Variants in CERT1 observed in about 807,000 individuals in gnomAD.
CERT1 encodes ceramide transfer protein.
CERT1 carries 31 observed loss-of-function variants against 87.9 expected under a neutral mutation model. The ratio of observed to expected loss-of-function variants is 0.35; its 90% CI spans 0.27 to 0.48. The LOEUF is 0.48. CERT1 is among the 20% of genes least tolerant of loss of function. The pLI, the probability that CERT1 is intolerant of heterozygous loss-of-function variation, is 0.99. For synonymous variants in CERT1, 289 were observed against 250.9 expected (o/e 1.15, Z -1.44); for missense variants, 487 against 758.0 (o/e 0.64, Z 4.20).
At chr5:75,474,062 T>A (rs1208837561) in intron 2 of CERT1, among the ~76,000 whole-genome samples, 1 of 152,208 alleles carries the variant, frequency 6.6e-6, no homozygotes, top group African/African-American at 2.4e-5. Flanking sequence ...TGGGCCTGCC[T>A]GGCCTAAACC....
intron 2 of CERT1, among the ~76,000 whole-genome samples, chr5:75,482,211 G>A (rs937284028): frequency 6.6e-6 from 1 of 152,084 alleles, no homozygotes; most frequent in Non-Finnish European, 1.5e-5. Flanking sequence ...GGCCTTGCAG[G>A]ATTCACCACA....
chr5:75,382,083 G>T lies in CERT1; in HGVS notation c.1489-6C>A, dbSNP rs534117773. The T allele has an allele frequency of 1.9e-6, 3 of 1,609,122 alleles. No individual in the cohort carries two copies. The highest frequency in any genetic ancestry group is 2.5e-6 in the Non-Finnish European group (3 of 1,177,838). On this transcript the variant is annotated splice_region_variant and splice_polypyrimidine_tract_variant and intron_variant, in intron 14 of 16. Transcript: ENST00000643780. ...TGAGAAGCAGGCCACACCCTCTGTGGAGAAGTAAAAATCTTTTGAAAAACA... is the reference window on the plus strand; with the variant it reads ...TGAGAAGCAGGCCACACCCTCTGTGTAGAAGTAAAAATCTTTTGAAAAACA...
intron 6 of CERT1, 99 bp downstream of exon 6, chr5:75,419,242 G>T (rs1763269238): frequency 6.7e-6 from 5 of 742,694 alleles, no homozygotes; most frequent in Non-Finnish European, 1.1e-5. Context: ...CAGTTCTACT[G>T]CTTTTTAAAA....
At chr5:75,399,538 A>C (rs1340100441) in intron 10 of CERT1, 151 bp from the exon 11 acceptor site, 2 of 630,178 alleles carry the variant, frequency 3.2e-6, no homozygotes, top group South Asian at 3.8e-5. Flanking sequence ...TCATGCACCT[A>C]TTATGTATTA....
intron 3 of CERT1, among the ~76,000 whole-genome samples, chr5:75,451,822 G>C (rs1396598070): frequency 1.3e-5 from 2 of 152,094 alleles, no homozygotes; most frequent in African/African-American, 2.4e-5. Flanking sequence ...AGTAGAAATT[G>C]CTCCTAAAAT....
intron 2 of CERT1, among the ~76,000 whole-genome samples, chr5:75,466,699 C>T (rs1028797934): frequency 1.3e-5 from 2 of 152,146 alleles, no homozygotes; most frequent in African/African-American, 4.8e-5. Flanking sequence ...GTACAAACAC[C>T]AGCAGGCAGC....
At chr5:75,437,125 T>C (rs1449661440) in intron 3 of CERT1, among the ~76,000 whole-genome samples, 1 of 152,186 alleles carries the variant, frequency 6.6e-6, no homozygotes, top group Non-Finnish European at 1.5e-5. Flanking sequence ...ACCCTATTCA[T>C]GTCCAGTATT....
In CERT1 at chr5:75,456,741, G is replaced by A. The variant is rs188370301; in HGVS notation, c.348+2324C>T. ...ACCCTGCAGTTGAGTATTTTTTTCA[G>A]GAACTAAAAATCACTCAAAATTTGT... On this transcript the variant is annotated intron_variant, in intron 3 of 16. Coordinates refer to ENST00000643780, the MANE Select transcript of CERT1 (RefSeq NM_001379029.1). Among the ~76,000 whole-genome samples, 50 of 150,004 alleles carry A rather than the reference G, an allele frequency of 3.3e-4. No homozygotes were observed. In the East Asian group the frequency reaches 9.2e-3, roughly 28 times the overall value.
intron 3 of CERT1, among the ~76,000 whole-genome samples, chr5:75,432,346 G>A (rs1353662875): frequency 1.3e-5 from 2 of 152,050 alleles, no homozygotes; most frequent in African/African-American, 2.4e-5. Flanking sequence ...GAGCCACCAC[G>A]CCCGGCCAAG....
intron 3 of CERT1, among the ~76,000 whole-genome samples, chr5:75,456,663 C>CAAAAAAAAAAAAAAA: frequency 1.4e-5 from 1 of 69,426 alleles, no homozygotes; most frequent in Non-Finnish European, 2.7e-5. Context: ...GACCTCATCT[C>CAAAAAAAAAAAAAAA]AAAAAAAAAA....
chr5:75,402,749 G>A lies in CERT1; in HGVS notation c.1017+223C>T, dbSNP rs186158228. 1.1e-3 allele frequency: 323 copies of A among 295,912 alleles called. 1 individual carries two copies. Among genetic ancestry groups the A allele is most frequent in the Admixed American group, 6.9e-3 (150 of 21,882 alleles). The allele number at this position is 295,912 out of a possible 1,614,324, so 18.3% of individuals were successfully genotyped here. ...CAGGAGGTGGAAGTTGCAGTAAGCCGAGATCGCGCCACTGCATTCTAGCCT... is the reference window on the plus strand; with the variant it reads ...CAGGAGGTGGAAGTTGCAGTAAGCCAAGATCGCGCCACTGCATTCTAGCCT... On this transcript the variant is annotated intron_variant, in intron 9 of 16. Transcript: ENST00000643780.
At chr5:75,399,685 T>C (rs978622431) in intron 10 of CERT1, among the ~76,000 whole-genome samples, 4 of 152,336 alleles carry the variant, frequency 2.6e-5, no homozygotes, top group African/African-American at 9.6e-5. Flanking sequence ...CACTCCTTAT[T>C]TGCCCACCCC....
Position 75,506,070 on chromosome 5 carries a change from T to C in CERT1, c.143A>G (p.Lys48Arg). The part of the protein sequence containing the change: ...HGWQDRWVVL[K>R]NNALSYYKSE... Reference sequence around the variant, plus strand: ...TTTGTAGTAACTCAGAGCATTATTTTTCAAAACTACCCAACGATCCTGCCA... The same window carrying C: ...TTTGTAGTAACTCAGAGCATTATTTCTCAAAACTACCCAACGATCCTGCCA... Residue 48 changes from lysine to arginine, a missense_variant, in exon 2 of 17, where the codon AAA (lysine) becomes AGA (arginine). Physicochemically the swap from Lys to Arg is conservative, Grantham distance 26 (BLOSUM62 2). Coordinates refer to ENST00000643780, the MANE Select transcript of CERT1 (RefSeq NM_001379029.1). 2 of 1,613,316 alleles carry C rather than the reference T, an allele frequency of 1.2e-6. No homozygotes were observed. Among genetic ancestry groups the C allele is most frequent in the Non-Finnish European group, 1.7e-6 (2 of 1,179,394 alleles).
chr5:75,417,373 A>C (rs1763175538), intron 6 of CERT1, among the ~76,000 whole-genome samples: 1 of 152,182 alleles, frequency 6.6e-6, no homozygotes, highest in African/African-American at 2.4e-5. Flanking sequence ...GAACTACCTT[A>C]TTATTTTGAA....
At chr5:75,508,200 T>A (rs1335301162) in intron 1 of CERT1, among the ~76,000 whole-genome samples, 1 of 152,244 alleles carries the variant, frequency 6.6e-6, no homozygotes, top group Non-Finnish European at 1.5e-5. Context: ...CCACACTTCA[T>A]AAGGCTAAAC....
At chr5:75,370,585 A>G (rs1761043086) in intron 17 of CERT1, 1 of 152,174 alleles carries the variant, frequency 6.6e-6, no homozygotes, top group South Asian at 2.1e-4. Flanking sequence ...TGTGTAATAC[A>G]TATGACAAAA....
chr5:75,480,019 AG>A (rs956648760), intron 2 of CERT1, among the ~76,000 whole-genome samples: 1 of 152,142 alleles, frequency 6.6e-6, no homozygotes, highest in Non-Finnish European at 1.5e-5. Flanking sequence ...TTGTTTACAC[AG>A]TCTTAACATA....
downstream of CERT1, chr5:75,375,817 C>T (rs916131831): frequency 9.5e-5 from 14 of 148,060 alleles, no homozygotes; most frequent in East Asian, 3.9e-4. Flanking sequence ...ATGCTGGGTT[C>T]GACTTCATAC....
chr5:75,441,645 G>C (rs1478785648), intron 3 of CERT1, among the ~76,000 whole-genome samples: 1 of 152,082 alleles, frequency 6.6e-6, no homozygotes, highest in Non-Finnish European at 1.5e-5. Context: ...ACTACTCTAT[G>C]CACCCAATAT....
Sources: allele counts gnomAD v4.1 joint callset (sites outside exome capture counted in the v4.1 genomes callset), GRCh38; gene constraint gnomAD v4.1.1; transcripts MANE v1.5; gene names NCBI Gene and HGNC (gene_info 2026-07-23, HGNC 2026-07-21).